The following RALYL variants were observed in gnomAD, a reference collection of about 807,000 sequenced individuals.
RALYL encodes the protein RALY RNA binding protein like, also known as RNA-binding Raly-like protein.
RALYL carries 29 observed loss-of-function variants against 35.1 expected under a neutral mutation model. The observed-to-expected ratio is 0.83, with a 90% CI of 0.61 to 1.13. The LOEUF is 1.13. Ranked by LOEUF, RALYL falls within the 50% of genes most tolerant of loss-of-function variation. The pLI is 0.00. For missense variants in RALYL, 359 were observed against 360.4 expected (o/e 1.00, Z 0.03); for synonymous variants, 120 against 127.6 (o/e 0.94, Z 0.40).
chr8:84,692,720 G>A (rs552981375), intron 2 of RALYL, among the ~76,000 whole-genome samples: 165 of 152,064 alleles, frequency 1.1e-3, no homozygotes, highest in Non-Finnish European at 1.5e-3. Flanking sequence ...TAACAGGTAT[G>A]GCATAGTTCA....
At chr8:84,714,450 G>A (rs1301509870) in intron 2 of RALYL, among the ~76,000 whole-genome samples, 1 of 151,456 alleles carries the variant, frequency 6.6e-6, no homozygotes, top group Non-Finnish European at 1.5e-5. Context: ...CATTCATTAA[G>A]TTGACTTAGC....
At chr8:84,479,460 G>A (rs188526402) in intron 1 of RALYL, among the ~76,000 whole-genome samples, 4 of 152,064 alleles carry the variant, frequency 2.6e-5, no homozygotes, top group African/African-American at 9.7e-5. Flanking sequence ...ACCAAAGCAC[G>A]TGTTTTAGGA....
At chr8:84,803,479 G>A (rs1376962349) in intron 3 of RALYL, among the ~76,000 whole-genome samples, 1 of 152,048 alleles carries the variant, frequency 6.6e-6, no homozygotes, top group Non-Finnish European at 1.5e-5. Context: ...AACACAATAA[G>A]GCAATTAATG....
chr8:84,746,891 G>A (rs1808731195), intron 2 of RALYL, among the ~76,000 whole-genome samples: 2 of 151,760 alleles, frequency 1.3e-5, no homozygotes, highest in Non-Finnish European at 2.9e-5. Context: ...GTTACTTTAT[G>A]TAAATTAATA....
intron 1 of RALYL, among the ~76,000 whole-genome samples, chr8:84,344,235 A>T (rs975433859): frequency 1.3e-5 from 2 of 152,104 alleles, no homozygotes; most frequent in African/African-American, 4.8e-5. Context: ...AAATACTTGT[A>T]AATCTTACAA....
chr8:84,366,198 C>T (rs963845037), intron 1 of RALYL, among the ~76,000 whole-genome samples: 1 of 152,100 alleles, frequency 6.6e-6, no homozygotes, highest in Non-Finnish European at 1.5e-5. Context: ...AAGATGATCT[C>T]CCAAAATTGG....
At chr8:84,299,037 G>T (rs537766850) in intron 1 of RALYL, among the ~76,000 whole-genome samples, 1 of 151,942 alleles carries the variant, frequency 6.6e-6, no homozygotes, top group South Asian at 2.1e-4. Context: ...TTTCTATTTG[G>T]ATGCCTTTTA....
At chr8:84,779,987 T>C (rs1188958073) in intron 3 of RALYL, among the ~76,000 whole-genome samples, 1 of 152,258 alleles carries the variant, frequency 6.6e-6, no homozygotes, top group Non-Finnish European at 1.5e-5. Flanking sequence ...CTTCACTTCA[T>C]TGACTTATAC....
chr8:84,731,804 A>G (rs1049724191), intron 2 of RALYL, among the ~76,000 whole-genome samples: 2 of 152,300 alleles, frequency 1.3e-5, no homozygotes, highest in East Asian at 3.9e-4. Context: ...TAAAAAAACC[A>G]AAGTCCTTCA....
intron 1 of RALYL, among the ~76,000 whole-genome samples, chr8:84,398,608 T>C (rs1421166275): frequency 6.6e-6 from 1 of 152,174 alleles, no homozygotes; most frequent in Admixed American, 6.5e-5. Context: ...GGAAAAATGA[T>C]ACATGGAACA....
intron 2 of RALYL, among the ~76,000 whole-genome samples, chr8:84,588,905 GT>G (rs35376267): frequency 0.28 from 42,717 of 150,070 alleles, 6,554 homozygotes; most frequent in African/African-American, 0.41. Flanking sequence ...CATAGGACTT[GT>G]TTTTTTTTTG....
At chr8:84,338,490 A>G (rs1331322277) in intron 1 of RALYL, among the ~76,000 whole-genome samples, 1 of 151,942 alleles carries the variant, frequency 6.6e-6, no homozygotes, top group Non-Finnish European at 1.5e-5. Flanking sequence ...ACCTCTTGAA[A>G]CAGATTGAGT....
chr8:84,288,180 T>C (rs1228511322), intron 1 of RALYL, among the ~76,000 whole-genome samples: 1 of 152,070 alleles, frequency 6.6e-6, no homozygotes, highest in Non-Finnish European at 1.5e-5. Flanking sequence ...GTTTTGTTTT[T>C]GTTTTTGTTT....
intron 3 of RALYL, among the ~76,000 whole-genome samples, chr8:84,781,425 G>A (rs1266255435): frequency 6.6e-6 from 1 of 152,132 alleles, no homozygotes; most frequent in South Asian, 2.1e-4. Context: ...CTAAAGAATG[G>A]CCTATTTGCA....
chr8:84,671,967 A>C (rs1833348491), intron 2 of RALYL, among the ~76,000 whole-genome samples: 1 of 152,212 alleles, frequency 6.6e-6, no homozygotes. Flanking sequence ...CAAATTTTCC[A>C]AACTGTTATG....
chr8:84,348,810 A>C lies in RALYL; in HGVS notation c.-24+164386A>C, dbSNP rs188281902. Among the ~76,000 whole-genome samples, 3 of 137,396 alleles carry C rather than the reference A, an allele frequency of 2.2e-5. No individual in the cohort carries two copies. In the East Asian group the frequency reaches 5.8e-4, roughly 27 times the overall value. The allele number at this position is 137,396 out of a possible 152,430, so 90.1% of individuals were successfully genotyped here. A position where few individuals can be genotyped will look rare whatever the true frequency, so the allele number is the denominator to read the frequency against. ...TGGTGTATGTATGTTCGGGTGGTGT[A>C]TGTGTGTAAATTATCATAAGATGCA... On this transcript the variant is annotated intron_variant, in intron 1 of 8. Transcript: ENST00000521268.
rs749256254 is a variant in RALYL at position 84,887,601 on chromosome 8, C to T, written c.686-3C>T. 4.4e-6 allele frequency: 7 copies of T among 1,596,636 alleles called. No individual in the cohort carries two copies. The highest frequency in any genetic ancestry group is 1.8e-5 in the Admixed American group (1 of 57,006). On this transcript the variant is annotated splice_polypyrimidine_tract_variant and splice_region_variant and intron_variant, in intron 7 of 8. Coordinates refer to ENST00000521268, the MANE Select transcript of RALYL (RefSeq NM_173848.7). The stretch of plus-strand genomic sequence containing the variant: ...GTAGTCATTTGCTTTCTCCCCCCCC[C>T]AGAAGCTCAGAAGAAGCAATTGGAA...
chr8:84,651,459 A>C (rs1043857442), intron 2 of RALYL, among the ~76,000 whole-genome samples: 1 of 151,946 alleles, frequency 6.6e-6, no homozygotes, highest in African/African-American at 2.4e-5. Context: ...ACAAATAGGG[A>C]AATTTGCTGA....
At chr8:84,600,910 C>T (rs1815783615) in intron 2 of RALYL, among the ~76,000 whole-genome samples, 1 of 152,006 alleles carries the variant, frequency 6.6e-6, no homozygotes, top group South Asian at 2.1e-4. Context: ...TGATTTCCAT[C>T]ATGATGCTAT....
Sources: allele counts gnomAD v4.1 joint callset (sites outside exome capture counted in the v4.1 genomes callset), GRCh38; gene constraint gnomAD v4.1.1; transcripts MANE v1.5; gene names NCBI Gene and HGNC (gene_info 2026-07-23, HGNC 2026-07-21).